Variants in MYH11 observed in about 807,000 individuals in gnomAD.
MYH11 encodes the protein myosin-11.
MYH11 carries 80 observed loss-of-function variants against 246.6 expected under a neutral mutation model. That is an observed-to-expected ratio of 0.32 (90% CI 0.27 to 0.39). The LOEUF (loss-of-function observed/expected upper bound fraction) is 0.39. MYH11 is among the 10% of genes least tolerant of loss of function. The pLI is 1.00. For synonymous variants in MYH11, 1,071 were observed against 1,015.5 expected, an observed-to-expected ratio of 1.05 and a Z score of -1.04; for missense variants, 2,158 against 2,546.8, an observed-to-expected ratio of 0.85 and a Z score of 3.29.
At position 15,778,986 on chromosome 16, in the gene MYH11, C is replaced by T. The variant is rs183544022; in HGVS notation, c.727-143G>A. On this transcript the variant is annotated intron_variant, in intron 6 of 40. Coordinates refer to ENST00000300036, the MANE Select transcript of MYH11 (RefSeq NM_002474.3). ...TGCGAACACTCAGAACCCCACAGGT[C>T]AAGTTGTCAGGCGGAACCAACATCT... is the stretch of plus-strand genomic sequence containing the variant. 357 of 811,424 alleles carry T rather than the reference C, an allele frequency of 4.4e-4. 4 individuals carry two copies. In the Admixed American group the frequency reaches 6.7e-3, roughly 15 times the overall value. The allele number at this position is 811,424 out of a possible 1,614,324, so 50.3% of individuals were successfully genotyped here. A position where few individuals can be genotyped will look rare whatever the true frequency, so the allele number is the denominator to read the frequency against.
intron 16 of MYH11, among the ~76,000 whole-genome samples, chr16:15,748,819 A>C (rs1024049734): frequency 6.6e-6 from 1 of 152,002 alleles, no homozygotes; most frequent in Non-Finnish European, 1.5e-5. Context: ...GGGTCTTGCT[A>C]TGTTGCCCAG....
At chr16:15,761,230 C>T (rs2041860892) in intron 10 of MYH11, among the ~76,000 whole-genome samples, 1 of 151,970 alleles carries the variant, frequency 6.6e-6, no homozygotes, top group African/African-American at 2.4e-5. Context: ...CCTGCCTCAG[C>T]CTCCCGAGTA....
At chr16:15,818,209 G>A (rs1264561121) in intron 3 of MYH11, among the ~76,000 whole-genome samples, 3 of 152,282 alleles carry the variant, frequency 2.0e-5, no homozygotes, top group East Asian at 3.9e-4. Flanking sequence ...ACATGTGCTA[G>A]CTTTCTCTCT....
intron 3 of MYH11, among the ~76,000 whole-genome samples, chr16:15,820,239 G>A (rs568912713): frequency 6.6e-6 from 1 of 152,326 alleles, no homozygotes; most frequent in East Asian, 1.9e-4. Context: ...CACTATGGGA[G>A]GCTGAGGCGG....
chr16:15,850,474 C>G (rs2044302679), intron 1 of MYH11, among the ~76,000 whole-genome samples: 1 of 152,156 alleles, frequency 6.6e-6, no homozygotes, highest in East Asian at 1.9e-4. Flanking sequence ...AACAGCTTCC[C>G]TCAGGATTTT....
chr16:15,718,948 T>C (rs1001133620), intron 36 of MYH11: 8 of 465,542 alleles, frequency 1.7e-5, no homozygotes, highest in Non-Finnish European at 2.7e-5. Context: ...GCCAACATGG[T>C]GAAACCCCAC....
Position 15,724,267 on chromosome 16 carries a change from T to C in MYH11, c.4259A>G (p.Lys1420Arg). Residue 1420 changes from lysine (K) to arginine (R), a missense_variant, in exon 31 of 41, where the codon AAG becomes AGG. Lys to Arg is a conservative substitution (Grantham distance 26, BLOSUM62 2). This residue lies in a region of MYH11 where 1,013 missense variants were observed against 993.5 expected (regional missense o/e 1.02). Coordinates refer to ENST00000300036, the MANE Select transcript of MYH11 (RefSeq NM_002474.3). ...CTCCTGCTGAAGCCTGTTCTTGGTC[T>C]TTTCCAGTTTATCATAAGCGGCCGC... Reference protein sequence around the residue: ...EKAAAYDKLEKTKNRLQQELD... With the variant: ...EKAAAYDKLERTKNRLQQELD... 3 of 1,614,226 alleles carry C rather than the reference T, an allele frequency of 1.9e-6. No homozygotes were observed. Among genetic ancestry groups the C allele is most frequent in the South Asian group, 1.1e-5 (1 of 91,082 alleles).
chr16:15,833,389 A>AAGGAAGGAAGGG (rs772175540), intron 2 of MYH11, among the ~76,000 whole-genome samples: 33,807 of 112,050 alleles, frequency 0.3, 4,419 homozygotes, highest in Admixed American at 0.4. Flanking sequence ...GGGAGGGAGG[A>AAGGAAGGAAGGG]AGGAAGGAAG....
intron 3 of MYH11, among the ~76,000 whole-genome samples, chr16:15,814,471 T>C (rs2043214285): frequency 7.1e-6 from 1 of 140,544 alleles, no homozygotes; most frequent in African/African-American, 2.7e-5. Context: ...GAGAATCACT[T>C]GAACCCGGGA....
Position 15,759,639 on chromosome 16 carries a change from C to G in MYH11, c.1338G>C (p.Lys446Asn), listed in dbSNP as rs776623592. Residue 446 changes from lysine (K) to asparagine (N), a missense_variant, in exon 12 of 41, where the codon AAG becomes AAC. This residue lies in a region of MYH11 where 317 missense variants were observed against 507.7 expected (regional missense o/e 0.62). Coordinates refer to ENST00000300036, the MANE Select transcript of MYH11 (RefSeq NM_002474.3). Reference protein sequence around the residue: ...ILTRVNKALDKTHRQGASFLG... With the variant: ...ILTRVNKALDNTHRQGASFLG... ...GGAAGGAAGCCCCTTGCCGATGGGTCTTGTCCAGGGCTTTGTTCACGCGGG... is the reference window on the plus strand; with the variant it reads ...GGAAGGAAGCCCCTTGCCGATGGGTGTTGTCCAGGGCTTTGTTCACGCGGG... 6.2e-7 allele frequency: 1 copy of G among 1,614,218 alleles called. No homozygotes were observed. Among genetic ancestry groups the G allele is most frequent in the Non-Finnish European group, 8.5e-7 (1 of 1,180,042 alleles).
Position 15,737,681 on chromosome 16 carries a change from C to T in MYH11, c.3122-61G>A. 11 of 1,586,926 alleles carry T rather than the reference C, an allele frequency of 6.9e-6. No homozygotes were observed. In the Admixed American group the frequency reaches 1.5e-4, roughly 22 times the overall value. ...CCCCAGAGAGATGCCCGGAAATGAG[C>T]CTTCCTGCCCAGGCATTTTACCCGG... is the stretch of plus-strand genomic sequence containing the variant. On this transcript the variant is annotated intron_variant, in intron 24 of 40. Coordinates refer to ENST00000300036, the MANE Select transcript of MYH11 (RefSeq NM_002474.3).
At chr16:15,831,853 G>A (rs185941719) in intron 2 of MYH11, among the ~76,000 whole-genome samples, 3 of 151,992 alleles carry the variant, frequency 2.0e-5, no homozygotes, top group South Asian at 2.1e-4. Flanking sequence ...CACAAGAATC[G>A]CTTGAACTCA....
intron 8 of MYH11, among the ~76,000 whole-genome samples, chr16:15,775,457 A>T (rs76943052): frequency 4.0e-4 from 1 of 2,498 alleles, no homozygotes; most frequent in South Asian, 0.024. Context: ...GTGTTGCCTG[A>T]GCTCACTGGT....
chr16:15,793,507 G>T (rs1437321920), intron 4 of MYH11, among the ~76,000 whole-genome samples: 1 of 151,824 alleles, frequency 6.6e-6, no homozygotes, highest in Non-Finnish European at 1.5e-5. Context: ...TCCTCAGTTT[G>T]GTCTCAAACT....
In MYH11 at chr16:15,706,250, T is replaced by C. The variant is rs910785694; in HGVS notation, c.5787-2127A>G. On this transcript the variant is annotated intron_variant, in intron 40 of 40. Transcript: ENST00000300036. ...TACTAGAGAACTCTCCATCCTTCTC[T>C]CTCTAGATGTGACCCTTAAGTCTTT... is the stretch of plus-strand genomic sequence containing the variant. Among the ~76,000 whole-genome samples, 5 of 152,154 alleles carry C rather than the reference T, an allele frequency of 3.3e-5. 1 individual carries two copies. The highest frequency in any genetic ancestry group is 2.6e-4 in the Admixed American group (4 of 15,262).
intron 3 of MYH11, among the ~76,000 whole-genome samples, chr16:15,817,911 A>G (rs936045291): frequency 2.0e-5 from 3 of 151,916 alleles, no homozygotes; most frequent in Admixed American, 2.0e-4. Flanking sequence ...CAAATAACCC[A>G]CCCCATCCAT....
intron 2 of MYH11, among the ~76,000 whole-genome samples, chr16:15,823,981 C>G (rs216158): frequency 0.51 from 78,169 of 151,878 alleles, 22,969 homozygotes; most frequent in African/African-American, 0.82. Context: ...ACTCCTCCGA[C>G]CTGCCACTTT....
intron 40 of MYH11, among the ~76,000 whole-genome samples, chr16:15,705,426 G>T (rs527519429): frequency 1.3e-5 from 2 of 152,168 alleles, no homozygotes; most frequent in South Asian, 2.1e-4. Context: ...CTTTGGGTAG[G>T]AGGAAGAGAG....
At chr16:15,782,524 T>C in intron 5 of MYH11, 47 bp from the exon 6 acceptor site, 1 of 1,492,190 alleles carries the variant, frequency 6.7e-7, no homozygotes, top group Non-Finnish European at 9.3e-7. Flanking sequence ...ACCTAGGTCC[T>C]GACAGTTCTA....
Sources: allele counts gnomAD v4.1 joint callset (sites outside exome capture counted in the v4.1 genomes callset), GRCh38; gene constraint gnomAD v4.1.1; regional missense constraint gnomAD v4.1.1; transcripts MANE v1.5; gene names NCBI Gene and HGNC (gene_info 2026-07-23, HGNC 2026-07-21).